The following ABTB3 variants were observed in gnomAD, a reference collection of about 807,000 sequenced individuals.
The protein encoded by ABTB3 is ankyrin repeat- and BTB/POZ domain-containing protein 3.
chr12:107,416,561 T>C, the ABTB3 span, among the ~76,000 whole-genome samples: 1 of 152,238 alleles, frequency 6.6e-6, no homozygotes, highest in Admixed American at 6.5e-5. Flanking sequence ...ACTTCTTCTC[T>C]TTCCAGGAGT....
chr12:107,621,161 G>A, the ABTB3 span, among the ~76,000 whole-genome samples: 1 of 152,178 alleles, frequency 6.6e-6, no homozygotes, highest in Non-Finnish European at 1.5e-5. Flanking sequence ...GGTGGAAAGC[G>A]AGTCCCATTA....
chr12:107,400,532 C>T, the ABTB3 span, among the ~76,000 whole-genome samples: 29 of 152,038 alleles, frequency 1.9e-4, no homozygotes, highest in East Asian at 2.3e-3. Flanking sequence ...TGTGGCCATT[C>T]GCTTGAATTT....
At chr12:107,320,911 G>C in the ABTB3 span, among the ~76,000 whole-genome samples, 2 of 152,240 alleles carry the variant, frequency 1.3e-5, no homozygotes, top group Middle Eastern at 3.4e-3. Flanking sequence ...TTTCCAGCAG[G>C]TTCTATCATC....
chr12:107,460,841 C>A, the ABTB3 span, among the ~76,000 whole-genome samples: 2 of 152,090 alleles, frequency 1.3e-5, no homozygotes, highest in Non-Finnish European at 1.5e-5. Flanking sequence ...AAAATTCCTG[C>A]CCCTGTACTG....
chr12:107,398,996 A>G, the ABTB3 span, among the ~76,000 whole-genome samples: 1 of 152,132 alleles, frequency 6.6e-6, no homozygotes, highest in Non-Finnish European at 1.5e-5. Flanking sequence ...ACACTAATGC[A>G]CTGAGAGTGA....
At chr12:107,644,976 T>TG in the ABTB3 span, among the ~76,000 whole-genome samples, 1 of 149,584 alleles carries the variant, frequency 6.7e-6, no homozygotes, top group Non-Finnish European at 1.5e-5. Context: ...AATTCACTTT[T>TG]TTTTTTTTTT....
the ABTB3 span, among the ~76,000 whole-genome samples, chr12:107,547,210 A>G: frequency 1.4e-5 from 2 of 148,084 alleles, no homozygotes; most frequent in African/African-American, 2.5e-5. Context: ...GAAGGAGAAG[A>G]AGGAGAAGGG....
At chr12:107,521,960 C>T in the ABTB3 span, among the ~76,000 whole-genome samples, 1 of 152,044 alleles carries the variant, frequency 6.6e-6, no homozygotes. Context: ...ATACCATATA[C>T]AGTGTGGCTT....
the ABTB3 span, among the ~76,000 whole-genome samples, chr12:107,531,121 G>A: frequency 6.6e-6 from 1 of 152,202 alleles, no homozygotes; most frequent in Non-Finnish European, 1.5e-5. Flanking sequence ...CTTTGGCACT[G>A]TTGTCATTTT....
chr12:107,511,715 G>A, the ABTB3 span, among the ~76,000 whole-genome samples: 6 of 152,260 alleles, frequency 3.9e-5, no homozygotes, highest in Admixed American at 2.0e-4. Flanking sequence ...CAAATAGACT[G>A]TTGATGGAAG....
chr12:107,397,911 T>C, the ABTB3 span, among the ~76,000 whole-genome samples: 4 of 152,242 alleles, frequency 2.6e-5, no homozygotes, highest in Non-Finnish European at 5.9e-5. Context: ...TGTGCTGCGT[T>C]GACATATGGT....
At chr12:107,550,846 G>C in the ABTB3 span, among the ~76,000 whole-genome samples, 2 of 151,976 alleles carry the variant, frequency 1.3e-5, no homozygotes, top group African/African-American at 2.4e-5. Context: ...GCCTCCCAAA[G>C]TGCTGGGATT....
At chr12:107,496,193 T>C in the ABTB3 span, among the ~76,000 whole-genome samples, 2 of 152,198 alleles carry the variant, frequency 1.3e-5, no homozygotes, top group Non-Finnish European at 2.9e-5. Context: ...AGGTTTTTCC[T>C]ATTCTAGCGC....
At chr12:107,483,959 T>C in the ABTB3 span, among the ~76,000 whole-genome samples, 1 of 152,204 alleles carries the variant, frequency 6.6e-6, no homozygotes, top group African/African-American at 2.4e-5. Context: ...TACAAAATGC[T>C]GAGATTACAG....
At chr12:107,404,191 A>AAAGAAG in the ABTB3 span, among the ~76,000 whole-genome samples, 4 of 150,702 alleles carry the variant, frequency 2.7e-5, no homozygotes, top group Admixed American at 2.6e-4. Flanking sequence ...AAAAAAAGGA[A>AAAGAAG]AAGAAGAAGA....
the ABTB3 span, among the ~76,000 whole-genome samples, chr12:107,560,893 T>G: frequency 6.6e-6 from 1 of 152,202 alleles, no homozygotes; most frequent in Non-Finnish European, 1.5e-5. Context: ...TTGTGTCTAA[T>G]TCTGGATTTT....
the ABTB3 span, among the ~76,000 whole-genome samples, chr12:107,323,606 G>A: frequency 3.3e-5 from 5 of 152,286 alleles, no homozygotes; most frequent in African/African-American, 1.2e-4. Context: ...TGACTTGATT[G>A]AGCTAAATAA....
the ABTB3 span, among the ~76,000 whole-genome samples, chr12:107,629,313 C>T: frequency 1.6e-4 from 24 of 152,194 alleles, 1 homozygote; most frequent in East Asian, 4.7e-3. Flanking sequence ...GTCTCACCTA[C>T]CTGGGAGGCT....
At chr12:107,392,674 T>C in the ABTB3 span, among the ~76,000 whole-genome samples, 1 of 152,184 alleles carries the variant, frequency 6.6e-6, no homozygotes, top group Non-Finnish European at 1.5e-5. Flanking sequence ...TAGGACTCCA[T>C]GTTTCCATAG....
Sources: gnomAD v4.1 joint callset for allele counts (sites outside exome capture counted in the v4.1 genomes callset) on GRCh38, gnomAD v4.1.1 for gene constraint, MANE v1.5 for transcripts, NCBI Gene and HGNC (gene_info 2026-07-23, HGNC 2026-07-21) for gene names.